The following SEC23B variants were observed in gnomAD, a reference collection of about 807,000 sequenced individuals.
SEC23B encodes the protein protein transport protein Sec23B.
Under a neutral mutation model 104.3 loss-of-function variants are expected in SEC23B, and 77 were observed. The ratio of observed to expected loss-of-function variants is 0.74; its 90% CI spans 0.61 to 0.89. SEC23B has a LOEUF of 0.89. Among genes scored for constraint, SEC23B ranks in the 40% least tolerant of loss-of-function variants. The pLI is 0.00. For synonymous variants in SEC23B, 338 were observed against 332.5 expected, an observed-to-expected ratio of 1.02 and a Z score of -0.18; for missense variants, 885 against 949.4, an observed-to-expected ratio of 0.93 and a Z score of 0.89.
intron 1 of SEC23B, 84 bp from the exon 2 acceptor site, chr20:18,510,738 C>A: frequency 2.9e-6 from 3 of 1,048,762 alleles, no homozygotes; most frequent in Non-Finnish European, 2.9e-6. Flanking sequence ...AAGAGAAACA[C>A]TGTGTTACAT....
Position 18,555,112 on chromosome 20 carries a change from G to T in SEC23B, c.2153G>T (p.Arg718Leu). 1.9e-6 allele frequency: 3 copies of T among 1,613,114 alleles called. No individual in the cohort carries two copies. The highest frequency in any genetic ancestry group is 2.5e-6 in the Non-Finnish European group (3 of 1,179,400). Residue 718 changes from arginine (R) to leucine (L), a missense_variant, in exon 19 of 20, where the codon CGA becomes CTA. Coordinates refer to ENST00000650089, the MANE Select transcript of SEC23B (RefSeq NM_006363.6). ...TTGTTGTTGTTGTTGTTAAAGGCTC[G>T]ATTCCTTTTGTCCAAAGTGAACCCA... is the stretch of plus-strand genomic sequence containing the variant. ...INTEHGGSQA[R>L]FLLSKVNPSQ...
intron 4 of SEC23B, among the ~76,000 whole-genome samples, chr20:18,519,587 C>T (rs965694005): frequency 6.6e-6 from 1 of 152,138 alleles, no homozygotes; most frequent in African/African-American, 2.4e-5. Flanking sequence ...CAGCTCTGCA[C>T]TTAGGCTGTG....
intron 12 of SEC23B, among the ~76,000 whole-genome samples, 197 bp from the exon 13 acceptor site, chr20:18,542,099 T>C (rs1012240853): frequency 4.6e-5 from 7 of 152,250 alleles, no homozygotes; most frequent in Non-Finnish European, 1.0e-4. Flanking sequence ...AAGTTCAGTA[T>C]TGAACGTAGT....
intron 7 of SEC23B, 22 bp from the exon 8 acceptor site, chr20:18,526,351 A>T (rs758457483): frequency 2.9e-5 from 47 of 1,613,824 alleles, no homozygotes; most frequent in Non-Finnish European, 3.8e-5. Flanking sequence ...TACTTCTAAC[A>T]TGCTGCCATT....
intron 12 of SEC23B, among the ~76,000 whole-genome samples, chr20:18,538,241 G>A (rs1258990297): frequency 7.4e-6 from 1 of 135,568 alleles, no homozygotes; most frequent in South Asian, 2.5e-4. Context: ...CGCCCCACCT[G>A]GGAATTTCTT....
At chr20:18,514,159 T>C (rs1223729091) in intron 3 of SEC23B, among the ~76,000 whole-genome samples, 1 of 152,194 alleles carries the variant, frequency 6.6e-6, no homozygotes, top group Admixed American at 6.5e-5. Flanking sequence ...AAATAATCTT[T>C]TGTAACCTTC....
intron 12 of SEC23B, among the ~76,000 whole-genome samples, chr20:18,541,433 A>G (rs114228730): frequency 0.011 from 1,661 of 152,366 alleles, 35 homozygotes; most frequent in African/African-American, 0.038. Context: ...GGCTTTCAAC[A>G]TACCTTCCCT....
intron 4 of SEC23B, among the ~76,000 whole-genome samples, chr20:18,521,444 T>A (rs2060082969): frequency 6.6e-6 from 1 of 152,074 alleles, no homozygotes; most frequent in Admixed American, 6.6e-5. Flanking sequence ...TTATATCTGA[T>A]GAAAAAGAGC....
At chr20:18,547,306 A>C (rs2060341585) in intron 15 of SEC23B, among the ~76,000 whole-genome samples, 1 of 152,102 alleles carries the variant, frequency 6.6e-6, no homozygotes, top group Non-Finnish European at 1.5e-5. Context: ...AACTTACCTC[A>C]TGGGCTTATT....
intron 9 of SEC23B, among the ~76,000 whole-genome samples, chr20:18,530,311 G>A (rs1296100176): frequency 1.3e-5 from 2 of 151,898 alleles, no homozygotes; most frequent in East Asian, 3.9e-4. Context: ...GAGTGCAGTG[G>A]TCCGATCTTG....
chr20:18,552,345 T>A (rs1300729325), intron 17 of SEC23B, among the ~76,000 whole-genome samples: 1 of 152,230 alleles, frequency 6.6e-6, no homozygotes, highest in Non-Finnish European at 1.5e-5. Flanking sequence ...ACGCAAGTGC[T>A]AGGCTGTCAG....
intron 16 of SEC23B, among the ~76,000 whole-genome samples, chr20:18,550,362 G>A (rs1410895279): frequency 6.6e-6 from 1 of 151,954 alleles, no homozygotes; most frequent in Non-Finnish European, 1.5e-5. Flanking sequence ...TTGCCATGTT[G>A]CCCAGGCTGG....
intron 16 of SEC23B, among the ~76,000 whole-genome samples, chr20:18,549,566 T>G (rs181356398): frequency 7.1e-4 from 107 of 151,694 alleles, no homozygotes; most frequent in Non-Finnish European, 1.5e-4. Flanking sequence ...AATAGATAAG[T>G]CCTTATGTAA....
At chr20:18,522,702 G>A (rs34648397) in intron 4 of SEC23B, among the ~76,000 whole-genome samples, 103,191 of 151,622 alleles carry the variant, frequency 0.68, 36,551 homozygotes, top group Non-Finnish European at 0.8. Context: ...GCAACAAGCT[G>A]TTATTTTACC....
At chr20:18,541,675 A>G (rs6045454) in intron 12 of SEC23B, among the ~76,000 whole-genome samples, 140,612 of 152,226 alleles carry the variant, frequency 0.92, 65,862 homozygotes, top group East Asian at 1. Flanking sequence ...ATCTTATATC[A>G]GTGCAGTTTG....
At chr20:18,543,872 G>A (rs1379975746) in intron 14 of SEC23B, among the ~76,000 whole-genome samples, 1 of 152,206 alleles carries the variant, frequency 6.6e-6, no homozygotes, top group Non-Finnish European at 1.5e-5. Context: ...GGAAAGCTGT[G>A]TATAGGAAAA....
chr20:18,560,507 G>A (rs775828773), intron 19 of SEC23B, 144 bp from the exon 20 acceptor site: 10 of 711,564 alleles, frequency 1.4e-5, no homozygotes, highest in African/African-American at 3.5e-5. Context: ...GAAGTTGTTC[G>A]TGAGGCAGAG....
At chr20:18,557,188 T>C (rs1430814857) in intron 19 of SEC23B, among the ~76,000 whole-genome samples, 1 of 152,210 alleles carries the variant, frequency 6.6e-6, no homozygotes, top group East Asian at 1.9e-4. Flanking sequence ...ACGTACTTTT[T>C]TCCTGCCTTC....
chr20:18,557,735 TTTTTC>T (rs967703402), intron 19 of SEC23B, among the ~76,000 whole-genome samples: 3 of 142,204 alleles, frequency 2.1e-5, no homozygotes, highest in Non-Finnish European at 3.0e-5. Flanking sequence ...CTTTTTTTCT[TTTTTC>T]TTTTCTTTTT....
Sources: gnomAD v4.1 joint callset for allele counts (sites outside exome capture counted in the v4.1 genomes callset) on GRCh38, gnomAD v4.1.1 for gene constraint, MANE v1.5 for transcripts, NCBI Gene and HGNC (gene_info 2026-07-23, HGNC 2026-07-21) for gene names.